Variants in CYBRD1 observed in about 807,000 individuals in gnomAD.
CYBRD1 encodes cytochrome b reductase 1, also known as plasma membrane ascorbate-dependent reductase CYBRD1.
Under a neutral mutation model 21.9 loss-of-function variants are expected in CYBRD1, and 14 were observed. The ratio of observed to expected loss-of-function variants is 0.64; its 90% CI spans 0.42 to 1.00. The LOEUF is 1.00. Among genes scored for constraint, CYBRD1 ranks in the 50% least tolerant of loss-of-function variants. The pLI is 0.00. For synonymous variants in CYBRD1, 146 were observed against 136.5 expected, an observed-to-expected ratio of 1.07 and a Z score of -0.48; for missense variants, 328 against 352.5, an observed-to-expected ratio of 0.93 and a Z score of 0.56.
intron 1 of CYBRD1, among the ~76,000 whole-genome samples, chr2:171,539,040 C>T (rs1697589414): frequency 1.3e-5 from 2 of 152,112 alleles, no homozygotes; most frequent in African/African-American, 2.4e-5. Context: ...TCAGGTGATC[C>T]ACCTGCCTTG....
chr2:171,554,638 G>A lies in CYBRD1; in HGVS notation c.672G>A (p.Trp224Ter), dbSNP rs1224921808. Residue 224 changes from tryptophan (W) to a stop codon, truncating the protein, a stop_gained, in exon 4 of 4, where the codon TGG becomes TGA. Transcript: ENST00000321348. LOFTEE classifies it low-confidence loss of function (END_TRUNC). ...LIFWIVTRPQ[W>*]KRPKEPNSTI... ...TTTGGATAGTCACCAGACCGCAATG[G>A]AAACGTCCTAAGGAGCCAAATTCTA... The A allele has an allele frequency of 2.5e-6, 4 of 1,614,010 alleles. No homozygotes were observed. The Admixed American group carries it at 6.7e-5, about 27-fold the overall frequency.
intron 1 of CYBRD1, among the ~76,000 whole-genome samples, chr2:171,538,024 C>G (rs1250066731): frequency 6.6e-6 from 1 of 152,130 alleles, no homozygotes; most frequent in Non-Finnish European, 1.5e-5. Flanking sequence ...CACCTGTAAT[C>G]CCAGCACTTT....
intron 2 of CYBRD1, among the ~76,000 whole-genome samples, chr2:171,552,999 A>G (rs1683404378): frequency 1.3e-5 from 2 of 152,212 alleles, no homozygotes; most frequent in Non-Finnish European, 2.9e-5. Context: ...AAACATCCAT[A>G]GAGAACTGTA....
intron 2 of CYBRD1, among the ~76,000 whole-genome samples, chr2:171,549,475 A>G (rs1235012390): frequency 6.6e-6 from 1 of 152,226 alleles, no homozygotes; most frequent in East Asian, 1.9e-4. Flanking sequence ...ATGTAGAAAG[A>G]TATAAAGAAA....
chr2:171,523,237 A>G, intron 1 of CYBRD1: 1 of 417,020 alleles, frequency 2.4e-6, no homozygotes, highest in South Asian at 1.8e-5. Context: ...CAGGCTGCAG[A>G]TGAGGAGGGG....
At position 171,555,089 on chromosome 2, in the gene CYBRD1, G is replaced by A. The variant is rs1574447513; in HGVS notation, c.*262G>A. Reference sequence around the variant, plus strand: ...TTGTTGAGGACCACAACATTAGCACGGTGCCTTGTGCAGAATAGATACTCA... The same window carrying A: ...TTGTTGAGGACCACAACATTAGCACAGTGCCTTGTGCAGAATAGATACTCA... On this transcript the variant is annotated 3_prime_UTR_variant, in exon 4 of 4. Transcript: ENST00000321348. 2 of 493,816 alleles carry A rather than the reference G, an allele frequency of 4.1e-6. No homozygotes were observed. Among genetic ancestry groups the A allele is most frequent in the East Asian group, 3.8e-5 (1 of 26,156 alleles). 30.6% of individuals were successfully genotyped at this position (493,816 alleles called of 1,614,324 possible). A position where few individuals can be genotyped will look rare whatever the true frequency, so the allele number is the denominator to read the frequency against.
chr2:171,528,530 G>A (rs770399547), intron 1 of CYBRD1, among the ~76,000 whole-genome samples: 10 of 151,730 alleles, frequency 6.6e-5, no homozygotes, highest in South Asian at 2.1e-4. Context: ...TCCTGATGAC[G>A]GCAGGTTAGA....
chr2:171,541,462 G>A, intron 1 of CYBRD1, 123 bp from the exon 2 acceptor site: 1 of 900,678 alleles, frequency 1.1e-6, no homozygotes, highest in South Asian at 1.5e-5. Flanking sequence ...GGGGAAGAGG[G>A]GAGAAGCAAA....
intron 2 of CYBRD1, among the ~76,000 whole-genome samples, chr2:171,548,840 C>T (rs1346267756): frequency 6.6e-6 from 1 of 151,304 alleles, no homozygotes; most frequent in East Asian, 1.9e-4. Flanking sequence ...CATGGTGGCT[C>T]ACGCCTGTAA....
chr2:171,546,425 A>G (rs1395423259), intron 2 of CYBRD1, among the ~76,000 whole-genome samples: 1 of 152,206 alleles, frequency 6.6e-6, no homozygotes, highest in African/African-American at 2.4e-5. Context: ...ATGCCCCTTT[A>G]TGACCTGCAG....
At chr2:171,537,586 T>TA (rs1052962213) in intron 1 of CYBRD1, among the ~76,000 whole-genome samples, 14 of 152,150 alleles carry the variant, frequency 9.2e-5, no homozygotes, top group African/African-American at 3.1e-4. Context: ...AAGTAAATTT[T>TA]AAAAAAACCT....
At position 171,555,349 on chromosome 2, in the gene CYBRD1, C is replaced by T. The variant is rs1683467241; in HGVS notation, c.*522C>T. The T allele has an allele frequency of 6.2e-6, 1 of 160,820 alleles. No homozygotes were observed. The allele number at this position is 160,820 out of a possible 1,614,324, so 10.0% of individuals were successfully genotyped here. Reference sequence around the variant, plus strand: ...AGAAATTTAGGAAAGCACCTGGTTCCTTTCTCCCCATGCCTGCCTTCTGCT... The same window carrying T: ...AGAAATTTAGGAAAGCACCTGGTTCTTTTCTCCCCATGCCTGCCTTCTGCT... On this transcript the variant is annotated 3_prime_UTR_variant, in exon 4 of 4. Coordinates refer to ENST00000321348, the MANE Select transcript of CYBRD1 (RefSeq NM_024843.4).
At chr2:171,525,786 T>C (rs1056538903) in intron 1 of CYBRD1, among the ~76,000 whole-genome samples, 28 of 151,572 alleles carry the variant, frequency 1.8e-4, no homozygotes, top group Non-Finnish European at 2.7e-4. Context: ...CAAGTATGAG[T>C]CCTTTGAAAC....
chr2:171,540,718 A>G (rs138239489), intron 1 of CYBRD1: 1 of 146,816 alleles, frequency 6.8e-6, no homozygotes, highest in East Asian at 2.0e-4. Flanking sequence ...TCTCTATTGC[A>G]TGGTTTAAAT....
At position 171,557,761 on chromosome 2, in the gene CYBRD1, T is replaced by C. The variant is rs927137652; in HGVS notation, c.*2934T>C. On this transcript the variant is annotated 3_prime_UTR_variant, in exon 4 of 4. Transcript: ENST00000321348. ...TAATTAGATTCTTTCCCCTGCTGAGTTGGAAATTCCAGTGCAGCACTGATT... is the reference window on the plus strand; with the variant it reads ...TAATTAGATTCTTTCCCCTGCTGAGCTGGAAATTCCAGTGCAGCACTGATT... The C allele has an allele frequency of 6.6e-6, 1 of 152,178 alleles. No homozygotes were observed. The allele number at this position is 152,178 out of a possible 1,614,324, so 9.4% of individuals were successfully genotyped here.
At chr2:171,538,465 A>T (rs1697577742) in intron 1 of CYBRD1, among the ~76,000 whole-genome samples, 1 of 152,204 alleles carries the variant, frequency 6.6e-6, no homozygotes, top group Admixed American at 6.5e-5. Flanking sequence ...AAATCATTTG[A>T]AAAGATTCCT....
At chr2:171,552,861 G>A (rs1177247526) in intron 2 of CYBRD1, among the ~76,000 whole-genome samples, 1 of 150,518 alleles carries the variant, frequency 6.6e-6, no homozygotes, top group Non-Finnish European at 1.5e-5. Flanking sequence ...TAATGTACTC[G>A]GTTTTAGTGA....
Position 171,553,445 on chromosome 2 carries a change from G to A in CYBRD1, c.502G>A (p.Gly168Arg). The A allele has an allele frequency of 6.2e-7, 1 of 1,613,544 alleles. No individual in the cohort carries two copies. The highest frequency in any genetic ancestry group is 2.2e-5 in the East Asian group (1 of 44,840). ...TGTTTATTCTGGAATTGTCATCTTTGGAACAGTGATTGCAACAGCACTTAT... is the reference window on the plus strand; with the variant it reads ...TGTTTATTCTGGAATTGTCATCTTTAGAACAGTGATTGCAACAGCACTTAT... ...IHVYSGIVIFGTVIATALMGL... is the reference protein window; with the variant it reads ...IHVYSGIVIFRTVIATALMGL... Residue 168 changes from glycine (G) to arginine (R), a missense_variant, in exon 3 of 4, where the codon GGA becomes AGA. Transcript: ENST00000321348.
intron 1 of CYBRD1, among the ~76,000 whole-genome samples, chr2:171,537,855 T>C (rs769724155): frequency 9.9e-5 from 15 of 152,214 alleles, no homozygotes; most frequent in South Asian, 4.1e-4. Flanking sequence ...GGATATTGAA[T>C]GTTTTCAACA....
Sources: gnomAD v4.1 joint callset for allele counts (sites outside exome capture counted in the v4.1 genomes callset) on GRCh38, gnomAD v4.1.1 for gene constraint, MANE v1.5 for transcripts, NCBI Gene and HGNC (gene_info 2026-07-23, HGNC 2026-07-21) for gene names.